Variants in PARG observed in about 807,000 individuals in gnomAD.
PARG encodes poly(ADP-ribose) glycohydrolase, also known as mitochondrial poly(ADP-ribose) glycohydrolase.
Under a neutral mutation model 113.0 loss-of-function variants are expected in PARG, and 35 were observed. The ratio of observed to expected loss-of-function variants is 0.31; its 90% CI spans 0.24 to 0.41. PARG has a LOEUF of 0.41. PARG is among the 10% of genes least tolerant of loss of function. The pLI is 1.00. For synonymous variants in PARG, 330 were observed against 409.9 expected (o/e 0.81, Z 2.36); for missense variants, 797 against 1,169.4 (o/e 0.68, Z 4.64).
At chr10:49,907,234 T>G (rs1288896295) in intron 7 of PARG, among the ~76,000 whole-genome samples, 1 of 152,250 alleles carries the variant, frequency 6.6e-6, no homozygotes, top group East Asian at 1.9e-4. Flanking sequence ...GTCACTCAGC[T>G]TACTAAAAAC....
intron 10 of PARG, among the ~76,000 whole-genome samples, chr10:49,867,861 A>G (rs1347754799): frequency 6.6e-6 from 1 of 152,152 alleles, no homozygotes; most frequent in Non-Finnish European, 1.5e-5. Context: ...CAGGACAAAA[A>G]AGTAAACTCT....
intron 12 of PARG, among the ~76,000 whole-genome samples, chr10:49,860,189 C>T (rs1470959631): frequency 1.3e-5 from 2 of 152,162 alleles, no homozygotes; most frequent in African/African-American, 4.8e-5. Flanking sequence ...TCTAATCTAC[C>T]GAGGTCTCAC....
chr10:49,886,417 C>CT (rs1266855569), intron 7 of PARG, among the ~76,000 whole-genome samples: 1 of 152,154 alleles, frequency 6.6e-6, no homozygotes, highest in Non-Finnish European at 1.5e-5. Context: ...AATTCTAACA[C>CT]TAAGAATTTT....
intron 13 of PARG, among the ~76,000 whole-genome samples, chr10:49,854,818 C>T (rs1475299594): frequency 2.0e-5 from 3 of 149,818 alleles, no homozygotes; most frequent in South Asian, 4.3e-4. Flanking sequence ...AGAACACAGA[C>T]ATCACAAAAT....
intron 1 of PARG, among the ~76,000 whole-genome samples, chr10:49,937,620 A>G (rs1446530324): frequency 1.3e-5 from 2 of 152,206 alleles, no homozygotes; most frequent in South Asian, 2.1e-4. Flanking sequence ...TATAACACAC[A>G]CGAAGCACGT....
intron 6 of PARG, among the ~76,000 whole-genome samples, chr10:49,916,668 CCA>C: frequency 6.6e-6 from 1 of 152,132 alleles, no homozygotes; most frequent in East Asian, 1.9e-4. Flanking sequence ...CATCTGGTTT[CCA>C]GAGTCAGGTA....
At chr10:49,888,980 T>A (rs1190577431) in intron 7 of PARG, among the ~76,000 whole-genome samples, 9 of 152,132 alleles carry the variant, frequency 5.9e-5, no homozygotes, top group African/African-American at 2.2e-4. Flanking sequence ...CCATTCTCCA[T>A]TAAACCTGTC....
chr10:49,907,113 T>C (rs1291285780), intron 7 of PARG, among the ~76,000 whole-genome samples: 1 of 152,168 alleles, frequency 6.6e-6, no homozygotes, highest in African/African-American at 2.4e-5. Context: ...TTGGAGTTCA[T>C]TTGAAAATAT....
chr10:49,825,776 C>A (rs1844324135), intron 16 of PARG, among the ~76,000 whole-genome samples: 1 of 152,124 alleles, frequency 6.6e-6, no homozygotes, highest in Non-Finnish European at 1.5e-5. Context: ...GGTAACTGTG[C>A]AAACCATAAG....
At chr10:49,928,393 AGG>A (rs1554851258) in intron 4 of PARG, among the ~76,000 whole-genome samples, 4 of 152,226 alleles carry the variant, frequency 2.6e-5, no homozygotes, top group Admixed American at 6.5e-5. Flanking sequence ...AAAACAGCAT[AGG>A]TACCAGTTGA....
At chr10:49,897,518 A>C (rs528883603) in intron 7 of PARG, among the ~76,000 whole-genome samples, 2 of 152,342 alleles carry the variant, frequency 1.3e-5, no homozygotes, top group East Asian at 1.9e-4. Context: ...CTGATCTGTG[A>C]AACACACAAA....
chr10:49,916,055 C>A, intron 6 of PARG, 64 bp from the exon 7 acceptor site: 1 of 850,260 alleles, frequency 1.2e-6, no homozygotes. Flanking sequence ...TATGAAGAGC[C>A]TGTCTCTTAT....
chr10:49,930,093 G>C (rs1215506963), intron 4 of PARG, among the ~76,000 whole-genome samples: 2 of 152,192 alleles, frequency 1.3e-5, no homozygotes, highest in Non-Finnish European at 2.9e-5. Context: ...TCAGATGAAT[G>C]GTAGCAAGGG....
chr10:49,853,107 C>T (rs1845832754), intron 13 of PARG, among the ~76,000 whole-genome samples: 1 of 145,598 alleles, frequency 6.9e-6, no homozygotes, highest in Non-Finnish European at 1.5e-5. Flanking sequence ...GATCTCGGCT[C>T]ACTGCAAGCT....
At chr10:49,909,054 C>T (rs1837019941) in intron 7 of PARG, among the ~76,000 whole-genome samples, 2 of 152,146 alleles carry the variant, frequency 1.3e-5, no homozygotes, top group East Asian at 3.9e-4. Flanking sequence ...CACAAAAATA[C>T]TGAGTATATT....
chr10:49,883,370 G>C (rs1847305248), intron 8 of PARG, among the ~76,000 whole-genome samples: 1 of 150,976 alleles, frequency 6.6e-6, no homozygotes, highest in South Asian at 2.1e-4. Context: ...TGCAGCAAGA[G>C]GCGTTGGCCC....
intron 14 of PARG, among the ~76,000 whole-genome samples, chr10:49,843,033 T>C (rs988750952): frequency 6.6e-6 from 1 of 152,180 alleles, no homozygotes; most frequent in Non-Finnish European, 1.5e-5. Context: ...TCTGGTTAAC[T>C]AGAAGTAAGA....
intron 14 of PARG, among the ~76,000 whole-genome samples, chr10:49,842,450 G>C (rs1448167051): frequency 1.3e-4 from 20 of 152,208 alleles, no homozygotes; most frequent in African/African-American, 4.8e-4. Flanking sequence ...TTTGCTTTGA[G>C]AGATCTGCTT....
chr10:49,843,727 G>A, intron 13 of PARG, 95 bp from the exon 14 acceptor site: 1 of 791,048 alleles, frequency 1.3e-6, no homozygotes, highest in Non-Finnish European at 2.1e-6. Flanking sequence ...GTTTAGCACT[G>A]TACTGAAGGT....
Sources: allele counts gnomAD v4.1 joint callset (sites outside exome capture counted in the v4.1 genomes callset), GRCh38; gene constraint gnomAD v4.1.1; transcripts MANE v1.5; gene names NCBI Gene and HGNC (gene_info 2026-07-23, HGNC 2026-07-21).